Variants in ZRANB3 observed in about 807,000 individuals in gnomAD.
ZRANB3 encodes zinc finger RANBP2-type containing 3.
Under a neutral mutation model 133.8 loss-of-function variants are expected in ZRANB3, and 125 were observed. The ratio of observed to expected loss-of-function variants is 0.93; its 90% CI spans 0.81 to 1.08. ZRANB3 has a LOEUF of 1.08. Among genes scored for constraint, ZRANB3 ranks in the 50% least tolerant of loss-of-function variants. ZRANB3 has a pLI of 0.00. For synonymous variants in ZRANB3, 387 were observed against 432.7 expected, an observed-to-expected ratio of 0.89 and a Z score of 1.31; for missense variants, 1,229 against 1,275.5, an observed-to-expected ratio of 0.96 and a Z score of 0.56.
intron 1 of ZRANB3, among the ~76,000 whole-genome samples, chr2:135,515,971 G>A (rs1336584189): frequency 6.6e-6 from 1 of 152,096 alleles, no homozygotes; most frequent in Non-Finnish European, 1.5e-5. Flanking sequence ...CCTGTATTGG[G>A]TGCATATATA....
rs901832379 is a variant in ZRANB3 at position 135,268,868 on chromosome 2, T to C, written c.1386+94A>G. 4 of 1,227,672 alleles carry C rather than the reference T, an allele frequency of 3.3e-6. No individual in the cohort carries two copies. In the African/African-American group the frequency reaches 4.6e-5, roughly 14 times the overall value. 76.0% of individuals were successfully genotyped at this position (1,227,672 alleles called of 1,614,324 possible). A position where few individuals can be genotyped will look rare whatever the true frequency, so the allele number is the denominator to read the frequency against. The stretch of plus-strand genomic sequence containing the variant: ...ATTATCTTGATGTGCTTAAGTATCC[T>C]TTGCCTGAAAACACTAAAACTCAGC... On this transcript the variant is annotated intron_variant, in intron 11 of 20. Coordinates refer to ENST00000264159, the MANE Select transcript of ZRANB3 (RefSeq NM_032143.4).
At position 135,424,929 on chromosome 2, in the gene ZRANB3, T is replaced by A. The variant is rs148500877; in HGVS notation, c.162-34109A>T. Among the ~76,000 whole-genome samples the A allele has an allele frequency of 1.6e-3, 248 of 152,188 alleles. 1 individual carries two copies. Among genetic ancestry groups the A allele is most frequent in the African/African-American group, 5.6e-3 (232 of 41,510 alleles). The stretch of plus-strand genomic sequence containing the variant: ...AAAGGTTTCACACAAAAGGTACCAA[T>A]TATACAAAAGACTGCATACAAATGA... On this transcript the variant is annotated intron_variant, in intron 2 of 20. Coordinates refer to ENST00000264159, the MANE Select transcript of ZRANB3 (RefSeq NM_032143.4).
At chr2:135,306,326 C>T (rs1332124513) in intron 8 of ZRANB3, among the ~76,000 whole-genome samples, 1 of 145,792 alleles carries the variant, frequency 6.9e-6, no homozygotes, top group Non-Finnish European at 1.5e-5. Flanking sequence ...CTCACTCTGT[C>T]ACCCAGGCTG....
intron 3 of ZRANB3, among the ~76,000 whole-genome samples, chr2:135,385,886 A>G (rs182084319): frequency 1.1e-4 from 16 of 152,300 alleles, no homozygotes; most frequent in Middle Eastern, 3.4e-3. Flanking sequence ...AACCATAAAA[A>G]CCCTAGAAGA....
chr2:135,517,458 G>A (rs1333087638), intron 1 of ZRANB3, among the ~76,000 whole-genome samples: 1 of 152,140 alleles, frequency 6.6e-6, no homozygotes, highest in Non-Finnish European at 1.5e-5. Flanking sequence ...GGATTTTTGT[G>A]TGAGCGTCCT....
chr2:135,448,526 C>T (rs1170802883), intron 2 of ZRANB3, among the ~76,000 whole-genome samples: 1 of 152,136 alleles, frequency 6.6e-6, no homozygotes, highest in African/African-American at 2.4e-5. Context: ...ATGCAAAACA[C>T]AAGAAATAGG....
chr2:135,439,593 A>T (rs1044631860), intron 2 of ZRANB3, among the ~76,000 whole-genome samples: 1 of 152,062 alleles, frequency 6.6e-6, no homozygotes, highest in Non-Finnish European at 1.5e-5. Flanking sequence ...TGACTCTACC[A>T]CTCATCACAT....
intron 19 of ZRANB3, 140 bp from the exon 20 acceptor site, chr2:135,203,103 T>G (rs1573659148): frequency 2.0e-6 from 2 of 1,006,102 alleles, no homozygotes; most frequent in Non-Finnish European, 2.8e-6. Flanking sequence ...ATAGCTTTTA[T>G]TGTGAGTAGA....
intron 8 of ZRANB3, among the ~76,000 whole-genome samples, chr2:135,305,519 G>T (rs1435158718): frequency 1.3e-5 from 2 of 152,180 alleles, no homozygotes; most frequent in African/African-American, 4.8e-5. Flanking sequence ...TTTTACATGT[G>T]AGGATTGCCA....
At chr2:135,254,209 C>T (rs11892446) in intron 12 of ZRANB3, among the ~76,000 whole-genome samples, 9,368 of 152,228 alleles carry the variant, frequency 0.062, 576 homozygotes, top group African/African-American at 0.16. Flanking sequence ...CCTCTGAATT[C>T]ATCCTTCAAA....
At chr2:135,289,069 T>C in intron 8 of ZRANB3, among the ~76,000 whole-genome samples, 1 of 152,134 alleles carries the variant, frequency 6.6e-6, no homozygotes, top group Non-Finnish European at 1.5e-5. Flanking sequence ...TTTAATGCTA[T>C]GATCTTTCCT....
chr2:135,491,113 A>C (rs1442767276), intron 2 of ZRANB3, among the ~76,000 whole-genome samples: 1 of 152,190 alleles, frequency 6.6e-6, no homozygotes, highest in Non-Finnish European at 1.5e-5. Context: ...TCTATTGTAC[A>C]TTTCAAAATA....
At chr2:135,472,839 G>A (rs1691330845) in intron 2 of ZRANB3, among the ~76,000 whole-genome samples, 1 of 152,118 alleles carries the variant, frequency 6.6e-6, no homozygotes, top group Non-Finnish European at 1.5e-5. Flanking sequence ...ACCACTTTAA[G>A]CTCAATGTGG....
chr2:135,525,797 G>A (rs138302779), intron 1 of ZRANB3, among the ~76,000 whole-genome samples: 1,441 of 142,396 alleles, frequency 0.01, 21 homozygotes, highest in African/African-American at 0.036. Flanking sequence ...GCAGTGGGCC[G>A]AGATCACACC....
At position 135,452,004 on chromosome 2, in the gene ZRANB3, T is replaced by C. The variant is rs139503523; in HGVS notation, c.161+52325A>G. 7.4e-4 allele frequency among the ~76,000 whole-genome samples: 113 copies of C among 152,166 alleles called. 1 individual carries two copies. The highest frequency in any genetic ancestry group is 2.6e-3 in the African/African-American group (109 of 41,528). On this transcript the variant is annotated intron_variant, in intron 2 of 20. Coordinates refer to ENST00000264159, the MANE Select transcript of ZRANB3 (RefSeq NM_032143.4). ...GAAGGGGGAGAGAAGTCAAAAAATA[T>C]AGGAAAAATTATAAACATTTGTATT...
intron 3 of ZRANB3, among the ~76,000 whole-genome samples, chr2:135,375,049 C>T (rs1392539962): frequency 6.6e-6 from 1 of 152,058 alleles, no homozygotes; most frequent in East Asian, 1.9e-4. Context: ...ATAATACCAA[C>T]GGCTAGTGAG....
At chr2:135,498,760 G>A (rs1692800784) in intron 2 of ZRANB3, among the ~76,000 whole-genome samples, 1 of 152,112 alleles carries the variant, frequency 6.6e-6, no homozygotes, top group Admixed American at 6.6e-5. Context: ...GGCCGCTTTG[G>A]GAACATCTAT....
intron 8 of ZRANB3, among the ~76,000 whole-genome samples, chr2:135,293,671 G>A (rs960209406): frequency 6.6e-6 from 1 of 151,194 alleles, no homozygotes; most frequent in Admixed American, 6.6e-5. Context: ...CCTGTCTTGT[G>A]CCAGTTTTCA....
intron 6 of ZRANB3, among the ~76,000 whole-genome samples, chr2:135,338,835 T>C (rs1248803252): frequency 2.0e-5 from 3 of 152,250 alleles, no homozygotes; most frequent in Non-Finnish European, 4.4e-5. Context: ...ATTTAATAAA[T>C]ATGTGAATAA....
Sources: allele counts gnomAD v4.1 joint callset (sites outside exome capture counted in the v4.1 genomes callset), GRCh38; gene constraint gnomAD v4.1.1; transcripts MANE v1.5; gene names NCBI Gene and HGNC (gene_info 2026-07-23, HGNC 2026-07-21).